SOAT1: variants seen among roughly 807,000 people sequenced by gnomAD.
SOAT1 encodes acyl-coenzyme A:cholesterol acyltransferase 1.
In SOAT1, 55 loss-of-function variants were observed where a neutral mutation model predicts 69.5. That is an observed-to-expected ratio of 0.79 (90% CI 0.64 to 0.99). The LOEUF (loss-of-function observed/expected upper bound fraction) is 0.99. SOAT1 is among the 50% of genes least tolerant of loss of function. The probability of loss-of-function intolerance (pLI) is 0.00; values close to 1 mark genes in which losing one functional copy is unlikely to be tolerated. For synonymous variants in SOAT1, 231 were observed against 224.7 expected, an observed-to-expected ratio of 1.03 and a Z score of -0.25; for missense variants, 580 against 669.3, an observed-to-expected ratio of 0.87 and a Z score of 1.47.
At chr1:179,339,020 C>A (rs963095522) in intron 5 of SOAT1, among the ~76,000 whole-genome samples, 10 of 151,984 alleles carry the variant, frequency 6.6e-5, no homozygotes, top group African/African-American at 2.4e-4. Context: ...ATACAAAAGT[C>A]AATGAGAAGG....
chr1:179,304,123 GT>G (rs995609798), intron 2 of SOAT1, among the ~76,000 whole-genome samples: 1 of 152,224 alleles, frequency 6.6e-6, no homozygotes, highest in African/African-American at 2.4e-5. Context: ...AACCTCTTTG[GT>G]TTAATGTAAA....
intron 2 of SOAT1, among the ~76,000 whole-genome samples, chr1:179,317,364 T>C (rs1665430781): frequency 1.3e-5 from 2 of 152,050 alleles, no homozygotes; most frequent in Admixed American, 1.3e-4. Context: ...AAACCCTGTC[T>C]CTAGTAAAAA....
intron 3 of SOAT1, among the ~76,000 whole-genome samples, chr1:179,333,868 T>C (rs1352701674): frequency 6.6e-6 from 1 of 151,736 alleles, no homozygotes; most frequent in Non-Finnish European, 1.5e-5. Flanking sequence ...GAAGAACTCA[T>C]TTTTTGTCAA....
At chr1:179,323,580 A>G (rs1347545159) in intron 3 of SOAT1, 85 bp downstream of exon 3, 2 of 1,100,904 alleles carry the variant, frequency 1.8e-6, no homozygotes, top group Non-Finnish European at 2.7e-6. Flanking sequence ...TAAATTGCTC[A>G]GATAATTATT....
At position 179,358,128 on chromosome 1, in the gene SOAT1, A is replaced by T. The variant is rs566504268; in HGVS notation, c.*4487A>T. On this transcript the variant is annotated 3_prime_UTR_variant, in exon 16 of 16. Transcript: ENST00000367619. ...AATCTATATAGTGTACTAAATCCTTATATGTTTTTGGTAAAAAAAGACTTT... is the reference window on the plus strand; with the variant it reads ...AATCTATATAGTGTACTAAATCCTTTTATGTTTTTGGTAAAAAAAGACTTT... The T allele has an allele frequency of 1.0e-3, 153 of 152,290 alleles. No homozygotes were observed. The highest frequency in any genetic ancestry group is 3.6e-3 in the African/African-American group (151 of 41,580). The allele number at this position is 152,290 out of a possible 1,614,324, so 9.4% of individuals were successfully genotyped here.
chr1:179,324,502 G>A (rs1476090049), intron 3 of SOAT1, among the ~76,000 whole-genome samples: 5 of 152,166 alleles, frequency 3.3e-5, no homozygotes, highest in African/African-American at 1.2e-4. Context: ...ATTCCTTATG[G>A]TACTGCTTTA....
rs1553248894 is a variant in SOAT1 at position 179,353,214 on chromosome 1, T to TATATATAA, written c.1597-364_1597-363insAATATATA. Among the ~76,000 whole-genome samples the TATATATAA allele has an allele frequency of 1.4e-4, 16 of 118,132 alleles. 2 individuals are homozygous for TATATATAA. Among genetic ancestry groups the TATATATAA allele is most frequent in the Non-Finnish European group, 2.6e-4 (15 of 58,022 alleles). 77.5% of individuals were successfully genotyped at this position (118,132 alleles called of 152,430 possible). A position where few individuals can be genotyped will look rare whatever the true frequency, so the allele number is the denominator to read the frequency against. ...TAAATGGTGGTTATATATAAATATATATATATATATCTATTTGTCGTCCTT... is the reference window on the plus strand; with the variant it reads ...TAAATGGTGGTTATATATAAATATATATATATAAATATATATATCTATTTGTCGTCCTT... On this transcript the variant is annotated intron_variant, in intron 15 of 15. Transcript: ENST00000367619.
intron 1 of SOAT1, among the ~76,000 whole-genome samples, chr1:179,297,110 T>C (rs1185458373): frequency 6.6e-6 from 1 of 152,194 alleles, no homozygotes; most frequent in Non-Finnish European, 1.5e-5. Flanking sequence ...AAATGAGATA[T>C]GTGCTACACC....
At chr1:179,321,346 T>C (rs1665594303) in intron 2 of SOAT1, among the ~76,000 whole-genome samples, 2 of 152,102 alleles carry the variant, frequency 1.3e-5, no homozygotes, top group African/African-American at 4.8e-5. Context: ...TTAAAAACAT[T>C]TATTGTAGAG....
chr1:179,336,015 T>A (rs1666137208), intron 4 of SOAT1, among the ~76,000 whole-genome samples: 1 of 151,886 alleles, frequency 6.6e-6, no homozygotes, highest in Non-Finnish European at 1.5e-5. Flanking sequence ...AATACAAAAT[T>A]TAGCCGGGCG....
At chr1:179,302,849 C>G in intron 2 of SOAT1, 47 bp downstream of exon 2, 2 of 989,206 alleles carry the variant, frequency 2.0e-6, no homozygotes, top group Non-Finnish European at 3.0e-6. Context: ...AAATAGAGAA[C>G]AAATACAGTG....
chr1:179,353,179 C>T (rs1278226517), intron 15 of SOAT1, among the ~76,000 whole-genome samples: 1 of 19,568 alleles, frequency 5.1e-5, no homozygotes, highest in Non-Finnish European at 1.2e-4. Flanking sequence ...ATATTTAGTA[C>T]CTTAAAATCT....
intron 2 of SOAT1, among the ~76,000 whole-genome samples, chr1:179,321,724 C>T (rs939781947): frequency 6.6e-6 from 1 of 152,176 alleles, no homozygotes; most frequent in African/African-American, 2.4e-5. Context: ...TCTATATTCC[C>T]ATTTACTAGT....
chr1:179,330,579 G>C (rs10798660), intron 3 of SOAT1, among the ~76,000 whole-genome samples: 39,696 of 152,052 alleles, frequency 0.26, 5,348 homozygotes, highest in East Asian at 0.46. Flanking sequence ...TTTGGGGAGG[G>C]ACTATTTACA....
intron 3 of SOAT1, among the ~76,000 whole-genome samples, chr1:179,328,880 C>T (rs1302833242): frequency 1.3e-5 from 2 of 151,406 alleles, no homozygotes; most frequent in African/African-American, 2.4e-5. Flanking sequence ...CCTGTGTCTA[C>T]AAAAAATACA....
intron 5 of SOAT1, among the ~76,000 whole-genome samples, chr1:179,339,109 T>C (rs1329361393): frequency 6.6e-6 from 1 of 152,168 alleles, no homozygotes; most frequent in African/African-American, 2.4e-5. Context: ...ATCAACATTA[T>C]AGAAACTCAT....
At position 179,313,397 on chromosome 1, in the gene SOAT1, T is replaced by C. The variant is rs187967392; in HGVS notation, c.119-10040T>C. Among the ~76,000 whole-genome samples, 470 of 95,346 alleles carry C rather than the reference T, an allele frequency of 4.9e-3. 2 individuals carry two copies. The highest frequency in any genetic ancestry group is 0.012 in the African/African-American group (445 of 37,474). 62.6% of individuals were successfully genotyped at this position (95,346 alleles called of 152,430 possible). ...TCTGGATTGAGAAACACTATAGTTA[T>C]GATATGTCAGATTTCAGAGACTTAC... On this transcript the variant is annotated intron_variant, in intron 2 of 15. Coordinates refer to ENST00000367619, the MANE Select transcript of SOAT1 (RefSeq NM_003101.6).
chr1:179,313,766 T>C (rs1665301243), intron 2 of SOAT1, among the ~76,000 whole-genome samples: 1 of 152,150 alleles, frequency 6.6e-6, no homozygotes, highest in South Asian at 2.1e-4. Context: ...GTATTTTTAG[T>C]AGAGACGGGG....
chr1:179,336,735 G>A (rs1360566057), intron 4 of SOAT1, among the ~76,000 whole-genome samples: 3 of 152,138 alleles, frequency 2.0e-5, no homozygotes, highest in African/African-American at 4.8e-5. Context: ...GGTGGCTCAC[G>A]CCTGTAATCC....
Sources: allele counts gnomAD v4.1 joint callset (sites outside exome capture counted in the v4.1 genomes callset), GRCh38; gene constraint gnomAD v4.1.1; transcripts MANE v1.5; gene names NCBI Gene and HGNC (gene_info 2026-07-23, HGNC 2026-07-21).